EYA2: variants seen among roughly 807,000 people sequenced by gnomAD.
EYA2 encodes EYA transcriptional coactivator and phosphatase 2.
In EYA2, 31 loss-of-function variants were observed where a neutral mutation model predicts 69.2. The observed-to-expected ratio is 0.45, with a 90% confidence interval of 0.34 to 0.60. The LOEUF is 0.60. EYA2 is among the 20% of genes least tolerant of loss of function. The pLI is 0.02. For synonymous variants in EYA2, 257 were observed against 279.4 expected (o/e 0.92, Z 0.80); for missense variants, 622 against 701.2 (o/e 0.89, Z 1.28).
chr20:46,914,404 C>T (rs1051332452), intron 1 of EYA2, among the ~76,000 whole-genome samples: 2 of 152,190 alleles, frequency 1.3e-5, no homozygotes, highest in African/African-American at 4.8e-5. Flanking sequence ...TCCATTCTCA[C>T]ACTGCCAATA....
intron 2 of EYA2, among the ~76,000 whole-genome samples, chr20:46,999,461 G>A (rs1035207153): frequency 5.9e-5 from 9 of 152,154 alleles, no homozygotes; most frequent in African/African-American, 1.9e-4. Context: ...CCTTTTCTTT[G>A]AATGTGATAC....
intron 5 of EYA2, among the ~76,000 whole-genome samples, chr20:47,040,336 C>A (rs1053143018): frequency 1.3e-5 from 2 of 152,186 alleles, no homozygotes; most frequent in Non-Finnish European, 2.9e-5. Flanking sequence ...ACGGTCTTGG[C>A]AGTCTTTGAA....
chr20:47,019,585 T>A (rs1483097970), intron 5 of EYA2, among the ~76,000 whole-genome samples: 2 of 151,842 alleles, frequency 1.3e-5, no homozygotes, highest in Non-Finnish European at 2.9e-5. Flanking sequence ...AAGAAGAAAA[T>A]AAAGAAGATT....
chr20:46,993,418 C>G (rs1981814534), intron 2 of EYA2, among the ~76,000 whole-genome samples: 1 of 152,210 alleles, frequency 6.6e-6, no homozygotes, highest in South Asian at 2.1e-4. Context: ...GCCCTCCGAG[C>G]CTTTGCATCT....
In EYA2 at chr20:47,155,259, C is replaced by T. The variant is rs924089974; in HGVS notation, c.978+12111C>T. Among the ~76,000 whole-genome samples the T allele has an allele frequency of 4.6e-5, 7 of 151,996 alleles. 1 individual carries two copies. The highest frequency in any genetic ancestry group is 4.6e-4 in the Admixed American group (7 of 15,284). On this transcript the variant is annotated intron_variant, in intron 10 of 15. Transcript: ENST00000327619. ...AAAGTAAAACTCACACAAATAGCAA[C>T]AAGCAACCACATGAACACGACAGCA...
At chr20:47,162,804 C>T (rs1279376263) in intron 10 of EYA2, among the ~76,000 whole-genome samples, 1 of 151,394 alleles carries the variant, frequency 6.6e-6, no homozygotes, top group Non-Finnish European at 1.5e-5. Context: ...TAGGTGTGAG[C>T]CACCACACCT....
At chr20:47,160,650 G>A (rs2034046564) in intron 10 of EYA2, among the ~76,000 whole-genome samples, 1 of 152,146 alleles carries the variant, frequency 6.6e-6, no homozygotes, top group Admixed American at 6.5e-5. Context: ...GCCAGTGTTG[G>A]GAACATAGAA....
intron 15 of EYA2, among the ~76,000 whole-genome samples, chr20:47,187,571 C>T (rs1402425953): frequency 6.6e-6 from 1 of 152,220 alleles, no homozygotes; most frequent in African/African-American, 2.4e-5. Flanking sequence ...GTTCCAGCAC[C>T]GAGCTGTGAC....
chr20:47,161,601 T>G, intron 10 of EYA2: 3 of 256,988 alleles, frequency 1.2e-5, no homozygotes, highest in East Asian at 1.4e-4. Flanking sequence ...GCCCGGGCCC[T>G]GTCCGCGGCT....
Position 46,924,669 on chromosome 20 carries a change from CAAAAAAAA to C in EYA2, c.-11+29699_-11+29706del, listed in dbSNP as rs10568771. Among the ~76,000 whole-genome samples, 41 of 88,374 alleles carry C rather than the reference CAAAAAAAA, an allele frequency of 4.6e-4. 2 individuals carry two copies. The East Asian group carries it at 0.012, about 26-fold the overall frequency. 58.0% of individuals were successfully genotyped at this position (88,374 alleles called of 152,430 possible). On this transcript the variant is annotated intron_variant, in intron 1 of 15. Coordinates refer to ENST00000327619, the MANE Select transcript of EYA2 (RefSeq NM_005244.5). Reference sequence around the variant, plus strand: ...TGGCCAATAGAGCGAGACTCCATCTCAAAAAAAAAAAAAAAAAAAAAAAAGCCCCAAGT... The same window carrying C: ...TGGCCAATAGAGCGAGACTCCATCTCAAAAAAAAAAAAAAAAGCCCCAAGT...
rs188270657 is a variant in EYA2 at position 46,997,105 on chromosome 20, C to T, written c.110-4323C>T. Among the ~76,000 whole-genome samples the T allele has an allele frequency of 5.3e-3, 813 of 152,126 alleles. 2 individuals carry two copies. Among genetic ancestry groups the T allele is most frequent in the Non-Finnish European group, 9.2e-3 (627 of 68,004 alleles). ...AGGTAGAGGTTGTTCTGGGTGTGAA[C>T]GGCTACAAAAGCCTTAAAGGTGAGA... is the stretch of plus-strand genomic sequence containing the variant. On this transcript the variant is annotated intron_variant, in intron 2 of 15. Transcript: ENST00000327619.
At chr20:47,172,457 T>C (rs1257889239) in intron 11 of EYA2, among the ~76,000 whole-genome samples, 2 of 151,932 alleles carry the variant, frequency 1.3e-5, no homozygotes, top group African/African-American at 2.4e-5. Context: ...AAAATAAAAA[T>C]TAAAAAATAA....
intron 15 of EYA2, among the ~76,000 whole-genome samples, chr20:47,184,807 G>GTC (rs1232926190): frequency 6.6e-6 from 1 of 152,160 alleles, no homozygotes; most frequent in African/African-American, 2.4e-5. Context: ...ACCTACCTGT[G>GTC]TCATGCTCCA....
At chr20:47,134,750 G>A (rs542082611) in intron 9 of EYA2, among the ~76,000 whole-genome samples, 2 of 152,238 alleles carry the variant, frequency 1.3e-5, no homozygotes, top group South Asian at 4.1e-4. Flanking sequence ...ACTCAACTAT[G>A]CCATTGTACC....
chr20:47,027,663 G>T (rs1450946811), intron 5 of EYA2, among the ~76,000 whole-genome samples: 4 of 152,306 alleles, frequency 2.6e-5, no homozygotes, highest in Non-Finnish European at 5.9e-5. Flanking sequence ...TTGAGAATGA[G>T]TTTGGGATCA....
At chr20:46,996,298 A>G (rs1363403775) in intron 2 of EYA2, among the ~76,000 whole-genome samples, 2 of 152,146 alleles carry the variant, frequency 1.3e-5, no homozygotes, top group Admixed American at 6.5e-5. Context: ...TGGCCCCAAT[A>G]TGCACTTGAG....
intron 5 of EYA2, among the ~76,000 whole-genome samples, chr20:47,049,384 T>C (rs1485528213): frequency 2.6e-4 from 39 of 152,176 alleles, no homozygotes; most frequent in Non-Finnish European, 1.2e-4. Flanking sequence ...GTCCCTGATA[T>C]GGTTTGGGTG....
intron 7 of EYA2, among the ~76,000 whole-genome samples, chr20:47,078,325 GCGCGCGCACA>G (rs781387029): frequency 0.12 from 12,484 of 105,344 alleles, 571 homozygotes; most frequent in Middle Eastern, 0.17. Context: ...ACGTGCGCGC[GCGCGCGCACA>G]CACACACACA....
At chr20:46,999,433 C>T (rs1011142547) in intron 2 of EYA2, among the ~76,000 whole-genome samples, 1 of 152,136 alleles carries the variant, frequency 6.6e-6, no homozygotes, top group African/African-American at 2.4e-5. Flanking sequence ...CCTTGACATT[C>T]GGCTACTGTT....
Sources: gnomAD v4.1 joint callset for allele counts (sites outside exome capture counted in the v4.1 genomes callset) on GRCh38, gnomAD v4.1.1 for gene constraint, MANE v1.5 for transcripts, NCBI Gene and HGNC (gene_info 2026-07-23, HGNC 2026-07-21) for gene names.